Variants in CD28 observed in about 807,000 individuals in gnomAD.
CD28 encodes the protein CD28 molecule.
In CD28, 8 loss-of-function variants were observed where a neutral mutation model predicts 21.4. The ratio of observed to expected loss-of-function variants is 0.37; its 90% CI spans 0.22 to 0.68. CD28 has a LOEUF of 0.68. Ranked by LOEUF, CD28 falls within the 30% of genes least tolerant of loss-of-function variation. The probability of loss-of-function intolerance (pLI) is 0.55; values close to 1 mark genes in which losing one functional copy is unlikely to be tolerated. For synonymous variants in CD28, 106 were observed against 104.0 expected, an observed-to-expected ratio of 1.02 and a Z score of -0.12; for missense variants, 239 against 272.2, an observed-to-expected ratio of 0.88 and a Z score of 0.86.
intron 2 of CD28, among the ~76,000 whole-genome samples, chr2:203,729,154 G>A (rs1489196815): frequency 6.6e-6 from 1 of 152,122 alleles, no homozygotes; most frequent in Non-Finnish European, 1.5e-5. Context: ...TGATTTGTTT[G>A]TCATTATATA....
At chr2:203,730,323 T>C (rs1302196825) in intron 3 of CD28, among the ~76,000 whole-genome samples, 1 of 152,218 alleles carries the variant, frequency 6.6e-6, no homozygotes, top group Non-Finnish European at 1.5e-5. Flanking sequence ...GAAACTATAA[T>C]GGGAGTTAGA....
intron 1 of CD28, among the ~76,000 whole-genome samples, chr2:203,707,079 A>G (rs1444339210): frequency 6.6e-6 from 1 of 152,086 alleles, no homozygotes; most frequent in Non-Finnish European, 1.5e-5. Context: ...TCTGAGCTCA[A>G]GCAATCCACC....
intron 3 of CD28, among the ~76,000 whole-genome samples, chr2:203,732,718 C>G (rs1180320606): frequency 6.6e-6 from 1 of 152,170 alleles, no homozygotes; most frequent in Non-Finnish European, 1.5e-5. Flanking sequence ...TAGGTACTTC[C>G]TGCACACATA....
intron 1 of CD28, among the ~76,000 whole-genome samples, chr2:203,712,327 T>C (rs1446723402): frequency 2.0e-5 from 3 of 152,230 alleles, no homozygotes; most frequent in Non-Finnish European, 2.9e-5. Context: ...AATAGGAGGA[T>C]GTAACATCTG....
At chr2:203,717,097 T>C (rs1693480718) in intron 1 of CD28, among the ~76,000 whole-genome samples, 1 of 152,214 alleles carries the variant, frequency 6.6e-6, no homozygotes, top group Non-Finnish European at 1.5e-5. Flanking sequence ...TCCACCTGTG[T>C]CATCCTCCCA....
intron 3 of CD28, among the ~76,000 whole-genome samples, chr2:203,730,472 C>T (rs971235453): frequency 2.6e-5 from 4 of 152,146 alleles, no homozygotes; most frequent in Admixed American, 2.0e-4. Context: ...AACGCACCTA[C>T]AGTTAAGAAC....
intron 1 of CD28, among the ~76,000 whole-genome samples, chr2:203,711,156 C>A (rs1693300754): frequency 6.6e-6 from 1 of 152,170 alleles, no homozygotes; most frequent in Non-Finnish European, 1.5e-5. Context: ...TCACTCAGAG[C>A]TTTGAGCCTG....
chr2:203,712,179 G>A (rs775000236), intron 1 of CD28, among the ~76,000 whole-genome samples: 21 of 145,878 alleles, frequency 1.4e-4, no homozygotes, highest in South Asian at 4.8e-4. Context: ...GTGACAGAGC[G>A]AGATTCCGTC....
At chr2:203,727,060 G>A in intron 2 of CD28, 71 bp downstream of exon 2, 1 of 904,660 alleles carries the variant, frequency 1.1e-6, no homozygotes, top group Non-Finnish European at 1.8e-6. Context: ...AAACTGGGTT[G>A]TGGTCAGTGG....
At chr2:203,723,947 C>T (rs908886279) in intron 1 of CD28, among the ~76,000 whole-genome samples, 3 of 152,084 alleles carry the variant, frequency 2.0e-5, no homozygotes, top group Admixed American at 2.0e-4. Flanking sequence ...TGCAAATGCT[C>T]ATAGTAGCAT....
intron 3 of CD28, among the ~76,000 whole-genome samples, chr2:203,731,503 G>A (rs536044655): frequency 6.6e-6 from 1 of 152,316 alleles, no homozygotes; most frequent in South Asian, 2.1e-4. Flanking sequence ...ATTCCCCTGT[G>A]ATATGCTGAC....
chr2:203,713,002 A>C (rs893529384), intron 1 of CD28, among the ~76,000 whole-genome samples: 2 of 152,314 alleles, frequency 1.3e-5, no homozygotes, highest in East Asian at 1.9e-4. Flanking sequence ...TCACAAAGCT[A>C]CTAAGTATGT....
intron 1 of CD28, among the ~76,000 whole-genome samples, chr2:203,725,538 T>G (rs1193793112): frequency 6.6e-6 from 1 of 152,026 alleles, no homozygotes; most frequent in Non-Finnish European, 1.5e-5. Flanking sequence ...GAGGATACCA[T>G]GGGAAATGAG....
intron 3 of CD28, among the ~76,000 whole-genome samples, chr2:203,733,063 C>G (rs987780823): frequency 1.3e-5 from 2 of 152,184 alleles, no homozygotes; most frequent in Admixed American, 1.3e-4. Context: ...ACTAAAAATG[C>G]TTCCCAGGTT....
chr2:203,721,734 A>C (rs1182201775), intron 1 of CD28, among the ~76,000 whole-genome samples: 1 of 152,132 alleles, frequency 6.6e-6, no homozygotes, highest in African/African-American at 2.4e-5. Context: ...TCACTGTGTC[A>C]CTATGTTTAA....
chr2:203,722,483 T>A (rs1000270964), intron 1 of CD28, among the ~76,000 whole-genome samples: 4 of 152,240 alleles, frequency 2.6e-5, no homozygotes, highest in Non-Finnish European at 4.4e-5. Context: ...AAGGATTTAA[T>A]GAGATGGTAG....
At chr2:203,706,492 C>T (rs201604157), upstream of CD28, 23 of 1,498,344 alleles carry the variant, frequency 1.5e-5, no homozygotes, top group East Asian at 2.9e-4. Flanking sequence ...ATCAAAACAA[C>T]GTTATATCCT....
chr2:203,733,023 G>A (rs765646143), intron 3 of CD28, among the ~76,000 whole-genome samples: 3 of 152,182 alleles, frequency 2.0e-5, no homozygotes, highest in Non-Finnish European at 4.4e-5. Context: ...TGGAGGTTTG[G>A]CAAAGGGAGT....
At chr2:203,730,030 G>A (rs1442812100) in intron 3 of CD28, among the ~76,000 whole-genome samples, 3 of 152,076 alleles carry the variant, frequency 2.0e-5, no homozygotes, top group East Asian at 1.9e-4. Context: ...TAGGGTGGAG[G>A]GATTAGGAGC....
Sources: gnomAD v4.1 joint callset for allele counts (sites outside exome capture counted in the v4.1 genomes callset) on GRCh38, gnomAD v4.1.1 for gene constraint, MANE v1.5 for transcripts, NCBI Gene and HGNC (gene_info 2026-07-23, HGNC 2026-07-21) for gene names.